The following GOLIM4 variants were observed in gnomAD, a reference collection of about 807,000 sequenced individuals.
GOLIM4 encodes 130 kDa golgi-localized phosphoprotein.
Under a neutral mutation model 107.4 loss-of-function variants are expected in GOLIM4, and 71 were observed. The observed-to-expected ratio is 0.66, with a 90% CI of 0.55 to 0.81. The LOEUF (loss-of-function observed/expected upper bound fraction) is 0.81. GOLIM4 is among the 30% of genes least tolerant of loss of function. The pLI is 0.00. For synonymous variants in GOLIM4, 327 were observed against 294.8 expected (o/e 1.11, Z -1.12); for missense variants, 830 against 826.1 (o/e 1.00, Z -0.06).
intron 14 of GOLIM4, among the ~76,000 whole-genome samples, chr3:168,021,135 G>A (rs879016289): frequency 6.6e-6 from 1 of 152,218 alleles, no homozygotes; most frequent in Admixed American, 6.5e-5. Context: ...AATAAAACAG[G>A]TCCACTGAGA....
At chr3:168,094,138 T>TAC (rs1311728351) in intron 1 of GOLIM4, among the ~76,000 whole-genome samples, 1 of 152,256 alleles carries the variant, frequency 6.6e-6, no homozygotes, top group African/African-American at 2.4e-5. Flanking sequence ...ATGTATAGGA[T>TAC]ACGTCCTTAA....
chr3:168,037,253 CAG>C (rs1718708400), intron 7 of GOLIM4, among the ~76,000 whole-genome samples: 1 of 152,028 alleles, frequency 6.6e-6, no homozygotes. Context: ...ACACTGAAGT[CAG>C]AACTTTTGTA....
chr3:168,029,421 C>A, intron 10 of GOLIM4, 119 bp from the exon 11 acceptor site: 1 of 643,000 alleles, frequency 1.6e-6, no homozygotes, highest in South Asian at 3.1e-5. Context: ...TTTAAGAAGC[C>A]ATGAAAAATT....
intron 7 of GOLIM4, among the ~76,000 whole-genome samples, chr3:168,040,052 A>AT (rs1183723133): frequency 1.3e-5 from 2 of 152,348 alleles, no homozygotes; most frequent in East Asian, 3.9e-4. Context: ...TTCTTTTATC[A>AT]TAATTCCTCC....
chr3:168,066,394 ATAAC>A (rs1720548275), intron 1 of GOLIM4, among the ~76,000 whole-genome samples: 1 of 152,200 alleles, frequency 6.6e-6, no homozygotes, highest in Non-Finnish European at 1.5e-5. Flanking sequence ...GAATAAAACT[ATAAC>A]TATCCTTTTC....
Position 168,029,796 on chromosome 3 carries a change from GCTGCGGCCGGCC to G in GOLIM4, c.1405_1416del (p.Gly469_Gln472del). ...GAAGGCTACCGGAGCTGCTCCTGGT[GCTGCGGCCGGCC>G]CTCCTCAAGCTCAGCCTGCCTCTGC... On this transcript the variant is annotated inframe_deletion, in exon 10 of 16. Coordinates refer to ENST00000470487, the MANE Select transcript of GOLIM4 (RefSeq NM_014498.5). 6.2e-7 allele frequency: 1 copy of G among 1,613,710 alleles called. No homozygotes were observed. Among genetic ancestry groups the G allele is most frequent in the Non-Finnish European group, 8.5e-7 (1 of 1,179,974 alleles).
chr3:168,037,206 G>GA (rs919034542), intron 7 of GOLIM4, among the ~76,000 whole-genome samples: 3 of 152,084 alleles, frequency 2.0e-5, no homozygotes, highest in Admixed American at 6.5e-5. Flanking sequence ...GAAGGAAACA[G>GA]AAAAAATATC....
At chr3:168,011,857 C>T (rs1717056683) in intron 14 of GOLIM4, among the ~76,000 whole-genome samples, 1 of 135,768 alleles carries the variant, frequency 7.4e-6, no homozygotes, top group South Asian at 2.1e-4. Context: ...GGAAAACTAA[C>T]AAACAGAAAG....
rs774198923 is a variant in GOLIM4, at chr3:168,041,483, G to GA, written c.518-10dup. On this transcript the variant is annotated splice_polypyrimidine_tract_variant and intron_variant, in intron 5 of 15. Coordinates refer to ENST00000470487, the MANE Select transcript of GOLIM4 (RefSeq NM_014498.5). ...CAAATTGTATACAGTCTCTATTTTA[G>GA]AAAAAGAAGGATCACACATAAAGCC... The GA allele has an allele frequency of 1.7e-5, 22 of 1,329,660 alleles. No homozygotes were observed. Among genetic ancestry groups the GA allele is most frequent in the Middle Eastern group, 2.0e-4 (1 of 5,016 alleles). 82.4% of individuals were successfully genotyped at this position (1,329,660 alleles called of 1,614,324 possible).
chr3:168,093,746 G>A (rs866801882), intron 1 of GOLIM4, among the ~76,000 whole-genome samples: 2 of 152,124 alleles, frequency 1.3e-5, no homozygotes, highest in Admixed American at 6.5e-5. Context: ...GAACCAAGCC[G>A]AGCCATATAT....
chr3:168,025,883 C>T (rs1305824146), intron 12 of GOLIM4, among the ~76,000 whole-genome samples: 1 of 152,154 alleles, frequency 6.6e-6, no homozygotes, highest in Non-Finnish European at 1.5e-5. Context: ...AAGCACCTTC[C>T]AAATAATACA....
intron 1 of GOLIM4, among the ~76,000 whole-genome samples, chr3:168,060,100 G>GTTTTTTTT (rs111922454): frequency 1.4e-5 from 2 of 145,674 alleles, no homozygotes. Context: ...CCATTAGAGA[G>GTTTTTTTT]TTTTTTTTTT....
At chr3:168,069,210 T>G (rs1720715677) in intron 1 of GOLIM4, among the ~76,000 whole-genome samples, 1 of 152,242 alleles carries the variant, frequency 6.6e-6, no homozygotes, top group African/African-American at 2.4e-5. Context: ...TTCTTTTCAC[T>G]AAATGATGCT....
intron 15 of GOLIM4, 97 bp from the exon 16 acceptor site, chr3:168,010,515 G>A (rs946740194): frequency 2.0e-5 from 19 of 933,166 alleles, no homozygotes; most frequent in Non-Finnish European, 2.9e-5. Flanking sequence ...CTCATTTTTG[G>A]AGGAAAAAAA....
chr3:168,057,352 T>A (rs1469504708), intron 1 of GOLIM4, among the ~76,000 whole-genome samples: 1 of 152,202 alleles, frequency 6.6e-6, no homozygotes, highest in Non-Finnish European at 1.5e-5. Flanking sequence ...TAGTCATGTA[T>A]TAGTCTATTC....
In GOLIM4 at chr3:168,029,804, C is replaced by T. The variant is rs767966061; in HGVS notation, c.1409G>A (p.Arg470Gln). ...CCGGAGCTGCTCCTGGTGCTGCGGC[C>T]GGCCCTCCTCAAGCTCAGCCTGCCT... Reference protein sequence around the residue: ...LQRQAELEEGRPQHQEQLRQQ... With the variant: ...LQRQAELEEGQPQHQEQLRQQ... Residue 470 changes from arginine to glutamine, a missense_variant, in exon 10 of 16, where the codon CGG becomes CAG. Transcript: ENST00000470487. The T allele has an allele frequency of 3.5e-5, 57 of 1,613,838 alleles. 4 individuals carry two copies. In the Middle Eastern group the frequency reaches 1.2e-3, roughly 34 times the overall value.
intron 7 of GOLIM4, 53 bp from the exon 8 acceptor site, chr3:168,037,047 G>C (rs1260485456): frequency 1.5e-6 from 2 of 1,316,934 alleles, no homozygotes; most frequent in Non-Finnish European, 2.2e-6. Flanking sequence ...CCCATTCATA[G>C]ATGGGCATTT....
intron 1 of GOLIM4, among the ~76,000 whole-genome samples, chr3:168,092,876 T>C (rs1418452491): frequency 6.6e-6 from 1 of 152,246 alleles, no homozygotes; most frequent in African/African-American, 2.4e-5. Flanking sequence ...TACTTTAGCC[T>C]GCTTGTGAAA....
chr3:168,029,302 C>T lies in GOLIM4; in HGVS notation c.1434G>A (p.Arg478=). Residue 478 remains arginine (R), a splice_region_variant and synonymous_variant, in exon 11 of 16, where the codon CGG becomes CGA. Transcript: ENST00000470487. ...EGRPQHQEQL[R]QQAHYDAMDN... ...CCATAGCATCATAATGAGCTTGCTGCCTACAAGAGACACAAACATGATAAA... is the reference window on the plus strand; with the variant it reads ...CCATAGCATCATAATGAGCTTGCTGTCTACAAGAGACACAAACATGATAAA... 3 of 1,594,062 alleles carry T rather than the reference C, an allele frequency of 1.9e-6. No individual in the cohort carries two copies. The highest frequency in any genetic ancestry group is 2.6e-6 in the Non-Finnish European group (3 of 1,165,528).
Sources: allele counts gnomAD v4.1 joint callset (sites outside exome capture counted in the v4.1 genomes callset), GRCh38; gene constraint gnomAD v4.1.1; transcripts MANE v1.5; gene names NCBI Gene and HGNC (gene_info 2026-07-23, HGNC 2026-07-21).